The following WARS1 variants were observed in gnomAD, a reference collection of about 807,000 sequenced individuals.
WARS1 encodes tryptophan--tRNA ligase, cytoplasmic.
Under a neutral mutation model 47.8 loss-of-function variants are expected in WARS1, and 17 were observed. The ratio of observed to expected loss-of-function variants is 0.36; its 90% CI spans 0.24 to 0.53. WARS1 has a LOEUF of 0.53. WARS1 is among the 20% of genes least tolerant of loss of function. WARS1 has a pLI of 0.91. For synonymous variants in WARS1, 208 were observed against 228.1 expected, an observed-to-expected ratio of 0.91 and a Z score of 0.79; for missense variants, 434 against 608.0, an observed-to-expected ratio of 0.71 and a Z score of 3.01.
chr14:100,343,121 C>CCTG (rs1370207378), intron 8 of WARS1, among the ~76,000 whole-genome samples, 154 bp downstream of exon 8: 1 of 152,226 alleles, frequency 6.6e-6, no homozygotes, highest in Non-Finnish European at 1.5e-5. Context: ...AAGTGATCCG[C>CCTG]CTGCCTTGGC....
chr14:100,371,909 C>T (rs1443028287), intron 1 of WARS1, among the ~76,000 whole-genome samples: 1 of 152,110 alleles, frequency 6.6e-6, no homozygotes, highest in South Asian at 2.1e-4. Context: ...TCCCCTGTGA[C>T]CGGCACGTAC....
chr14:100,369,154 TC>T lies in WARS1; in HGVS notation c.31del (p.Glu11SerfsTer13). ...TTGTGTGGCGATGCTGTTGAACAGC[TC>T]CAGCAGAGATGCGGGCTCACTGTTG... MPNSEPASLL[E>X]LFNSIATQGE... On this transcript the variant is annotated frameshift_variant, in exon 2 of 11. Transcript: ENST00000392882. LOFTEE classifies it high-confidence loss of function. 6.5e-7 allele frequency: 1 copy of T among 1,549,590 alleles called. No individual in the cohort carries two copies. The highest frequency in any genetic ancestry group is 8.8e-7 in the Non-Finnish European group (1 of 1,137,296).
intron 9 of WARS1, among the ~76,000 whole-genome samples, chr14:100,339,150 A>C (rs1893964031): frequency 6.7e-6 from 1 of 148,458 alleles, no homozygotes; most frequent in Admixed American, 6.6e-5. Context: ...CACACACAGA[A>C]TTCTAGAGCA....
intron 6 of WARS1, among the ~76,000 whole-genome samples, chr14:100,349,387 C>CAGGGTA (rs758825727): frequency 3.0e-4 from 45 of 152,334 alleles, no homozygotes; most frequent in South Asian, 4.1e-4. Context: ...TGTACCCCCA[C>CAGGGTA]CATGAGTCTG....
At chr14:100,354,079 T>TA in intron 5 of WARS1, 1 of 567,852 alleles carries the variant, frequency 1.8e-6, no homozygotes, top group Non-Finnish European at 3.1e-6. Flanking sequence ...TGCTCTGTGT[T>TA]AGCTGCTCTA....
intron 9 of WARS1, among the ~76,000 whole-genome samples, chr14:100,340,936 C>CTTTT (rs1566837715): frequency 1.5e-5 from 2 of 136,186 alleles, no homozygotes; most frequent in Non-Finnish European, 1.6e-5. Flanking sequence ...TTTTTTTGAG[C>CTTTT]TGGAGTCTCA....
At chr14:100,352,108 CTTTTTTTTTTT>C (rs1172421175) in intron 6 of WARS1, among the ~76,000 whole-genome samples, 11 of 94,256 alleles carry the variant, frequency 1.2e-4, no homozygotes, top group Admixed American at 8.9e-4. Flanking sequence ...CAGTTTCTTT[CTTTTTTTTTTT>C]TTTTTTTTTT....
chr14:100,338,833 G>A (rs1359842633), intron 9 of WARS1, among the ~76,000 whole-genome samples: 2 of 151,860 alleles, frequency 1.3e-5, no homozygotes, highest in Non-Finnish European at 2.9e-5. Flanking sequence ...GCAGCCGGGT[G>A]CAGTGGCTCA....
chr14:100,373,197 G>T lies in WARS1; in HGVS notation c.-74+2086C>A, dbSNP rs1896446860. On this transcript the variant is annotated intron_variant, in intron 1 of 10. Coordinates refer to ENST00000392882, the MANE Select transcript of WARS1 (RefSeq NM_004184.4). This position sits in a 1 kb window ranked among gnomAD's most constrained non-coding sequence, Gnocchi z 4.4. Reference sequence around the variant, plus strand: ...ATGAATGAATCTCCTTAGTCATCTAGTTCAACTTTTTCCTCTAAGGTTTAT... The same window carrying T: ...ATGAATGAATCTCCTTAGTCATCTATTTCAACTTTTTCCTCTAAGGTTTAT... 6.6e-6 allele frequency among the ~76,000 whole-genome samples: 1 copy of T among 152,148 alleles called. No individual in the cohort carries two copies. The highest frequency in any genetic ancestry group is 2.4e-5 in the African/African-American group (1 of 41,428).
intron 6 of WARS1, among the ~76,000 whole-genome samples, chr14:100,350,289 G>A (rs1894883196): frequency 6.6e-6 from 1 of 150,386 alleles, no homozygotes; most frequent in African/African-American, 2.4e-5. Flanking sequence ...CTACTCAGGA[G>A]GCTGAGGCAT....
rs1896481589 is a variant in WARS1, at chr14:100,373,825, TGTGTGTG to T, written c.-74+1451_-74+1457del. On this transcript the variant is annotated intron_variant, in intron 1 of 10. Transcript: ENST00000392882. The surrounding 1 kb of genome is among the most constrained non-coding windows in gnomAD (Gnocchi z 4.4). ...GGAATCATCCACACTATTGAAATCT[TGTGTGTG>T]TGTGTGTGTGTGTGTGTGTGTGTGT... is the stretch of plus-strand genomic sequence containing the variant. Among the ~76,000 whole-genome samples, 1 of 216 alleles carries T rather than the reference TGTGTGTG, an allele frequency of 4.6e-3. No homozygotes were observed. The highest frequency in any genetic ancestry group is 5.5e-3 in the African/African-American group (1 of 182). 0.1% of individuals were successfully genotyped at this position (216 alleles called of 152,430 possible).
chr14:100,345,170 G>A lies in WARS1; in HGVS notation c.826+1576C>T, dbSNP rs1220584004. Among the ~76,000 whole-genome samples, 888 of 150,854 alleles carry A rather than the reference G, an allele frequency of 5.9e-3. 6 individuals are homozygous for A. The highest frequency in any genetic ancestry group is 0.01 in the Middle Eastern group (3 of 294). On this transcript the variant is annotated intron_variant, in intron 7 of 10. Transcript: ENST00000392882. ...CCGGCCACCACCCCGTCTGGGAGGT[G>A]TACCCAACAGCTCATTGAGAACGGG...
intron 9 of WARS1, among the ~76,000 whole-genome samples, chr14:100,338,438 G>A (rs1357941727): frequency 6.6e-6 from 1 of 151,864 alleles, no homozygotes; most frequent in South Asian, 2.1e-4. Flanking sequence ...CTAATTTTTT[G>A]GTATTTTTTG....
rs1158071177 is a variant in WARS1 at position 100,335,050 on chromosome 14, G to A, written c.1255-14C>T. On this transcript the variant is annotated splice_polypyrimidine_tract_variant and intron_variant, in intron 10 of 10. Transcript: ENST00000392882. ...GCTGGTGTAATCCTGCCCGGAGGGA[G>A]ACAGCCACGTGAGAGATGGCTCCAC... The A allele has an allele frequency of 1.9e-6, 3 of 1,610,398 alleles. No individual in the cohort carries two copies. Among genetic ancestry groups the A allele is most frequent in the African/African-American group, 1.3e-5 (1 of 74,842 alleles).
At chr14:100,338,409 G>A (rs964629937) in intron 9 of WARS1, among the ~76,000 whole-genome samples, 3 of 152,040 alleles carry the variant, frequency 2.0e-5, no homozygotes, top group African/African-American at 7.2e-5. Flanking sequence ...AGGAGTATAG[G>A]TGTGTGCCAC....
At position 100,373,697 on chromosome 14, in the gene WARS1, A is replaced by G. The variant is rs1467577076; in HGVS notation, c.-74+1586T>C. Reference sequence around the variant, plus strand: ...TAGGGTCCATGTTGCAGGGAAAAACATGTGTCTATAAATATCAGAACTCCA... The same window carrying G: ...TAGGGTCCATGTTGCAGGGAAAAACGTGTGTCTATAAATATCAGAACTCCA... On this transcript the variant is annotated intron_variant, in intron 1 of 10. Coordinates refer to ENST00000392882, the MANE Select transcript of WARS1 (RefSeq NM_004184.4). The surrounding 1 kb of genome is among the most constrained non-coding windows in gnomAD (Gnocchi z 4.4). 6.6e-6 allele frequency among the ~76,000 whole-genome samples: 1 copy of G among 152,198 alleles called. No individual in the cohort carries two copies. The highest frequency in any genetic ancestry group is 2.4e-5 in the African/African-American group (1 of 41,438).
rs754137445 is a variant in WARS1, at chr14:100,343,294, A to G, written c.920T>C (p.Ile307Thr). The G allele has an allele frequency of 6.2e-7, 1 of 1,612,938 alleles. No individual in the cohort carries two copies. Among genetic ancestry groups the G allele is most frequent in the East Asian group, 2.2e-5 (1 of 44,806 alleles). Residue 307 changes from isoleucine to threonine, a missense_variant, in exon 8 of 11, where the codon ATC becomes ACC. By Grantham distance (89) the Ile-to-Thr change is moderately conservative. Transcript: ENST00000392882. ...GCTGACCTGGTCAATGGCACATGGG[A>G]TAAGGCACTGGATATCCGTCCTGTC... ...FRDRTDIQCL[I>T]PCAIDQDPYF... is the part of the protein sequence containing the mutation.
At chr14:100,338,546 T>C (rs1893906558) in intron 9 of WARS1, among the ~76,000 whole-genome samples, 2 of 144,266 alleles carry the variant, frequency 1.4e-5, no homozygotes, top group Admixed American at 1.4e-4. Context: ...GGATTACAGG[T>C]GTGAGTCACT....
chr14:100,376,265 C>A (rs1896656511), upstream of WARS1: 2 of 659,194 alleles, frequency 3.0e-6, no homozygotes, highest in Non-Finnish European at 4.2e-6. Flanking sequence ...CTTACCCTGC[C>A]CAGCCGGGCC....
Sources: allele counts gnomAD v4.1 joint callset (sites outside exome capture counted in the v4.1 genomes callset), GRCh38; gene constraint gnomAD v4.1.1; non-coding constraint Gnocchi (gnomAD v3.1); transcripts MANE v1.5; gene names NCBI Gene and HGNC (gene_info 2026-07-23, HGNC 2026-07-21).